Variants in FGD3 observed in about 807,000 individuals in gnomAD.
The protein encoded by FGD3 is FYVE, RhoGEF and PH domain containing 3, also known as FYVE, RhoGEF and PH domain-containing protein 3.
FGD3 carries 45 observed loss-of-function variants against 71.8 expected under a neutral mutation model. The observed-to-expected ratio is 0.63, with a 90% CI of 0.49 to 0.80. The LOEUF (loss-of-function observed/expected upper bound fraction) is 0.80. FGD3 is among the 30% of genes least tolerant of loss of function. The probability of loss-of-function intolerance (pLI) is 0.00; values close to 1 mark genes in which losing one functional copy is unlikely to be tolerated. For synonymous variants in FGD3, 378 were observed against 392.8 expected (o/e 0.96, Z 0.44); for missense variants, 844 against 951.5 (o/e 0.89, Z 1.49).
chr9:92,988,383 A>T (rs949161668), intron 3 of FGD3, among the ~76,000 whole-genome samples: 2 of 152,128 alleles, frequency 1.3e-5, no homozygotes, highest in African/African-American at 4.8e-5. Context: ...CTACACAAAA[A>T]CATCTGGCAT....
chr9:92,960,818 G>A (rs1859154661), intron 1 of FGD3, among the ~76,000 whole-genome samples: 1 of 152,108 alleles, frequency 6.6e-6, no homozygotes, highest in African/African-American at 2.4e-5. Context: ...AGAGCCCCTG[G>A]GCTTCCCTCC....
In FGD3 at chr9:93,004,093, G is replaced by A. The variant is rs369228956; in HGVS notation, c.636G>A (p.Gly212=). ...TCTCCTCCATCCACCGCTTCCACGGGCAGTTCCTGCTGCCGGAGCTGAAGA... is the reference window on the plus strand; with the variant it reads ...TCTCCTCCATCCACCGCTTCCACGGACAGTTCCTGCTGCCGGAGCTGAAGA... The part of the protein sequence containing the change: ...SNISSIHRFH[G]QFLLPELKTR... Residue 212 remains glycine, a synonymous_variant, in exon 5 of 18, where the codon GGG becomes GGA. Transcript: ENST00000375482. The A allele has an allele frequency of 4.3e-6, 7 of 1,614,008 alleles. No homozygotes were observed. The African/African-American group carries it at 6.7e-5, about 15-fold the overall frequency.
At chr9:92,965,604 C>T (rs889984882) in intron 1 of FGD3, among the ~76,000 whole-genome samples, 1 of 152,276 alleles carries the variant, frequency 6.6e-6, no homozygotes, top group African/African-American at 2.4e-5. Flanking sequence ...CTTGGAATGA[C>T]ACGAGGCCGA....
At chr9:93,005,300 T>G (rs1357564222) in intron 5 of FGD3, among the ~76,000 whole-genome samples, 1 of 151,752 alleles carries the variant, frequency 6.6e-6, no homozygotes, top group Non-Finnish European at 1.5e-5. Context: ...TTATTTGTAT[T>G]TTTTTTTAAG....
At chr9:92,991,398 T>C (rs1860403915) in intron 3 of FGD3, among the ~76,000 whole-genome samples, 1 of 152,190 alleles carries the variant, frequency 6.6e-6, no homozygotes, top group Non-Finnish European at 1.5e-5. Flanking sequence ...CATTCTTAAT[T>C]TCTTCCTTCA....
At chr9:93,012,621 C>T (rs1279703912) in intron 8 of FGD3, among the ~76,000 whole-genome samples, 2 of 137,726 alleles carry the variant, frequency 1.5e-5, no homozygotes, top group Non-Finnish European at 3.1e-5. Flanking sequence ...CCTGTCTCTA[C>T]TAAAAATACA....
At chr9:92,973,981 CT>C (rs916234059) in intron 1 of FGD3, among the ~76,000 whole-genome samples, 15 of 152,352 alleles carry the variant, frequency 9.8e-5, no homozygotes, top group African/African-American at 3.6e-4. Flanking sequence ...GAAATGGTCT[CT>C]GGGCAGTGAG....
intron 3 of FGD3, among the ~76,000 whole-genome samples, chr9:92,979,766 T>G (rs1484992321): frequency 3.3e-5 from 5 of 152,322 alleles, no homozygotes; most frequent in African/African-American, 1.2e-4. Context: ...TCTTTATTAC[T>G]AATTCAATCT....
rs374163572 is a variant in FGD3 at position 92,950,155 on chromosome 9, C to T, written c.-218+2426C>T. 5.3e-5 allele frequency among the ~76,000 whole-genome samples: 8 copies of T among 152,020 alleles called. No homozygotes were observed. The East Asian group carries it at 1.5e-3, about 29-fold the overall frequency. ...AGGTGGGGCCAGGCACAGTGGCTTA[C>T]GCCTGTAATCCCAGCACTTTGGGAG... On this transcript the variant is annotated intron_variant, in intron 1 of 17. Transcript: ENST00000375482.
intron 5 of FGD3, among the ~76,000 whole-genome samples, chr9:93,005,114 C>A (rs577075106): frequency 1.3e-5 from 2 of 151,720 alleles, no homozygotes; most frequent in South Asian, 4.2e-4. Flanking sequence ...GACTTAGCCA[C>A]CCTGCCCTTT....
rs200987505 is a variant in FGD3, at chr9:93,035,612, A to C, written c.*23A>C. On this transcript the variant is annotated 3_prime_UTR_variant, in exon 18 of 18. Coordinates refer to ENST00000375482, the MANE Select transcript of FGD3 (RefSeq NM_001083536.2). ...TGAGCTGAGTCTCCCACTGCCCTGC[A>C]CACCACCACATTGGACCTGTGCTGT... The C allele has an allele frequency of 2.6e-6, 4 of 1,566,428 alleles. No individual in the cohort carries two copies. The highest frequency in any genetic ancestry group is 3.5e-6 in the Non-Finnish European group (4 of 1,159,364).
At chr9:92,991,307 A>T (rs1174028030) in intron 3 of FGD3, among the ~76,000 whole-genome samples, 1 of 152,144 alleles carries the variant, frequency 6.6e-6, no homozygotes, top group African/African-American at 2.4e-5. Context: ...TCAAACTCCT[A>T]GGCTCAAGCA....
At chr9:93,012,240 T>C (rs191176718) in intron 8 of FGD3, among the ~76,000 whole-genome samples, 1 of 152,126 alleles carries the variant, frequency 6.6e-6, no homozygotes, top group Admixed American at 6.5e-5. Context: ...ATGTTCCAGG[T>C]ACTTTCCCTA....
At chr9:93,017,325 T>C (rs543745753) in intron 10 of FGD3, among the ~76,000 whole-genome samples, 11 of 152,224 alleles carry the variant, frequency 7.2e-5, no homozygotes, top group Non-Finnish European at 1.5e-5. Flanking sequence ...GTATTTTCTC[T>C]AGTTAGTGTT....
At chr9:93,033,143 A>C in intron 16 of FGD3, 1 of 509,344 alleles carries the variant, frequency 2.0e-6, no homozygotes, top group Middle Eastern at 5.6e-4. Flanking sequence ...ACTCCTGGTC[A>C]CCTGGTTGGA....
At chr9:93,016,086 T>C (rs1317659666) in intron 10 of FGD3, among the ~76,000 whole-genome samples, 1 of 152,104 alleles carries the variant, frequency 6.6e-6, no homozygotes, top group African/African-American at 2.4e-5. Context: ...TGCAGAGCCT[T>C]GGAGGATGCA....
chr9:93,021,107 G>A (rs1043680223), intron 13 of FGD3, among the ~76,000 whole-genome samples: 1 of 152,202 alleles, frequency 6.6e-6, no homozygotes, highest in African/African-American at 2.4e-5. Flanking sequence ...GCTGTGGTGC[G>A]CTGCCCGCGT....
chr9:93,028,339 G>GAA (rs58386783), intron 14 of FGD3, among the ~76,000 whole-genome samples: 5 of 139,134 alleles, frequency 3.6e-5, no homozygotes, highest in Admixed American at 7.1e-5. Flanking sequence ...TTTTAAACAG[G>GAA]AAAAAAAAAA....
chr9:92,982,224 A>G (rs1396013497), intron 3 of FGD3, among the ~76,000 whole-genome samples: 1 of 152,192 alleles, frequency 6.6e-6, no homozygotes, highest in Non-Finnish European at 1.5e-5. Context: ...ATGTATGAGT[A>G]AGAATATGTG....
Sources: allele counts gnomAD v4.1 joint callset (sites outside exome capture counted in the v4.1 genomes callset), GRCh38; gene constraint gnomAD v4.1.1; transcripts MANE v1.5; gene names NCBI Gene and HGNC (gene_info 2026-07-23, HGNC 2026-07-21).